The following BBS2 variants were observed in gnomAD, a reference collection of about 807,000 sequenced individuals.
BBS2 encodes the protein BBSome complex member BBS2.
In BBS2, 62 loss-of-function variants were observed where a neutral mutation model predicts 83.0. The ratio of observed to expected loss-of-function variants is 0.75; its 90% CI spans 0.61 to 0.92. The LOEUF is 0.92. BBS2 is among the 40% of genes least tolerant of loss of function. The probability of loss-of-function intolerance (pLI) is 0.00; values close to 1 mark genes in which losing one functional copy is unlikely to be tolerated. For missense variants in BBS2, 784 were observed against 901.0 expected, an observed-to-expected ratio of 0.87 and a Z score of 1.66; for synonymous variants, 303 against 326.1, an observed-to-expected ratio of 0.93 and a Z score of 0.76.
chr16:56,501,211 G>A (rs1015151952), intron 10 of BBS2, 142 bp downstream of exon 10: 3 of 1,324,900 alleles, frequency 2.3e-6, no homozygotes, highest in Non-Finnish European at 3.2e-6. Flanking sequence ...TTGGGAGGCT[G>A]AGACAGGAGA....
rs1409773257 is a variant in BBS2 at position 56,506,164 on chromosome 16, T to C, written c.673A>G (p.Thr225Ala). 6.2e-7 allele frequency: 1 copy of C among 1,613,942 alleles called. No individual in the cohort carries two copies. Among genetic ancestry groups the C allele is most frequent in the East Asian group, 2.2e-5 (1 of 44,880 alleles). ...GATGTTTTGTCATAAACTCCAACTG[T>C]GCCATTGGAAAGGGCATAACCAAAT... Reference protein sequence around the residue: ...SRFGYALSNGTVGVYDKTSRY... With the variant: ...SRFGYALSNGAVGVYDKTSRY... The change falls in exon 6 of 17, where the codon ACA becomes GCA. Residue 225 changes from threonine to alanine, a missense_variant. By Grantham distance (58) the Thr-to-Ala change is moderately conservative. Coordinates refer to ENST00000245157, the MANE Select transcript of BBS2 (RefSeq NM_031885.5).
At position 56,511,257 on chromosome 16, in the gene BBS2, G is replaced by C; in HGVS notation, c.373C>G (p.Leu125Val). ...EVADGANAIVLGTLGDISSPL... is the reference protein window; with the variant it reads ...EVADGANAIVVGTLGDISSPL... ...GAAGAAATGTCTCCCAATGTCCCCAGCACAATTGCATTTGCCCCATCTGCT... is the reference window on the plus strand; with the variant it reads ...GAAGAAATGTCTCCCAATGTCCCCACCACAATTGCATTTGCCCCATCTGCT... Residue 125 changes from leucine (L) to valine (V), a missense_variant, in exon 3 of 17, where the codon CTG becomes GTG. Leu to Val is a conservative substitution (Grantham distance 32). Coordinates refer to ENST00000245157, the MANE Select transcript of BBS2 (RefSeq NM_031885.5). 1 of 1,614,048 alleles carries C rather than the reference G, an allele frequency of 6.2e-7. No individual in the cohort carries two copies. The highest frequency in any genetic ancestry group is 8.5e-7 in the Non-Finnish European group (1 of 1,179,994).
At chr16:56,519,626 G>A (rs1964859215) in intron 1 of BBS2, 120 bp downstream of exon 1, 1 of 775,570 alleles carries the variant, frequency 1.3e-6, no homozygotes, top group Non-Finnish European at 2.2e-6. Context: ...CTCGCCGACC[G>A]GTTGCCGGGC....
intron 17 of BBS2, among the ~76,000 whole-genome samples, chr16:56,471,365 GAA>G (rs755598469): frequency 4.3e-5 from 4 of 92,552 alleles, no homozygotes; most frequent in Middle Eastern, 5.6e-3. Flanking sequence ...ACATCTCAAA[GAA>G]AAAAAAAAAA....
intron 5 of BBS2, among the ~76,000 whole-genome samples, chr16:56,508,679 TC>T (rs5817063): frequency 1 from 152,201 of 152,206 alleles, 76,098 homozygotes; most frequent in Middle Eastern, 1. Flanking sequence ...AGTCTTGTTC[TC>T]GTTGCCCCTG....
At chr16:56,511,402 A>T in intron 2 of BBS2, 118 bp from the exon 3 acceptor site, 1 of 1,409,862 alleles carries the variant, frequency 7.1e-7, no homozygotes, top group Non-Finnish European at 9.9e-7. Flanking sequence ...TATTATCCAT[A>T]ATGTGGGTGG....
intron 13 of BBS2, 71 bp from the exon 14 acceptor site, chr16:56,497,951 A>T: frequency 2.0e-6 from 3 of 1,520,466 alleles, no homozygotes; most frequent in Non-Finnish European, 2.7e-6. Flanking sequence ...ATAGTACCTG[A>T]ATTTCCCCAT....
chr16:56,501,955 T>C (rs958832512), intron 9 of BBS2: 10 of 380,220 alleles, frequency 2.6e-5, no homozygotes, highest in Non-Finnish European at 4.5e-5. Flanking sequence ...CTTTTGTCAC[T>C]TGGTAAGACG....
chr16:56,470,651 C>G lies in BBS2; in HGVS notation c.*45G>C, dbSNP rs1963123989. 3.1e-6 allele frequency: 5 copies of G among 1,614,020 alleles called. No homozygotes were observed. The African/African-American group carries it at 5.3e-5, about 17-fold the overall frequency. The stretch of plus-strand genomic sequence containing the variant: ...GATGAGATGAATGATAAAAAAGAGG[C>G]AGAAACCACTGATATCACTGAAGAA... On this transcript the variant is annotated 3_prime_UTR_variant, in exon 18 of 18. Coordinates refer to the BBS2 transcript ENST00000682047.
At chr16:56,476,807 T>G (rs1963498897) in intron 17 of BBS2, 1 of 152,336 alleles carries the variant, frequency 6.6e-6, no homozygotes, top group Non-Finnish European at 1.5e-5. Context: ...CATCCATGTT[T>G]CCAGTGTTTC....
In BBS2 at chr16:56,502,454, G is replaced by C. The variant is rs121908178; in HGVS notation, c.943C>G (p.Arg315Gly). Residue 315 changes from arginine (R) to glycine (G), a missense_variant and splice_region_variant, in exon 9 of 17, where the codon CGG (arginine) becomes GGG (glycine). Physicochemically the swap from Arg to Gly is moderately radical, Grantham distance 125. Coordinates refer to ENST00000245157, the MANE Select transcript of BBS2 (RefSeq NM_031885.5). ...TCAGCCGTGCCAGGCAGGTAGCCCC[G>C]GACTGAACAGAAGGAAAAAACCGCA... ...LICCSVDGEI[R>G]GYLPGTAEMR... 6.2e-7 allele frequency: 1 copy of C among 1,614,104 alleles called. No individual in the cohort carries two copies. Among genetic ancestry groups the C allele is most frequent in the Non-Finnish European group, 8.5e-7 (1 of 1,180,012 alleles).
At chr16:56,479,190 G>A (rs1308731665) in intron 17 of BBS2, 4 of 152,140 alleles carry the variant, frequency 2.6e-5, no homozygotes, top group Admixed American at 2.6e-4. Context: ...AGCTCTATGG[G>A]CCCGGCATAG....
At chr16:56,519,575 C>G in intron 1 of BBS2, 171 bp downstream of exon 1, 1 of 605,640 alleles carries the variant, frequency 1.7e-6, no homozygotes, top group Non-Finnish European at 2.9e-6. Context: ...AGCTCTTCCT[C>G]TAAGACCCCA....
In BBS2 at chr16:56,489,504, A is replaced by T. The variant is rs572839861; in HGVS notation, c.1911-3766T>A. On this transcript the variant is annotated intron_variant, in intron 15 of 16. Coordinates refer to ENST00000245157, the MANE Select transcript of BBS2 (RefSeq NM_031885.5). ...TTGTAAGCATGATGAACTTTAAAAG[A>T]AGTAGTATCAGGCTGGGCACAGTGG... 1.4e-4 allele frequency among the ~76,000 whole-genome samples: 22 copies of T among 152,200 alleles called. No individual in the cohort carries two copies. The South Asian group carries it at 1.7e-3, about 11-fold the overall frequency.
chr16:56,472,342 T>C (rs1963237655), intron 17 of BBS2, among the ~76,000 whole-genome samples: 1 of 152,192 alleles, frequency 6.6e-6, no homozygotes, highest in Non-Finnish European at 1.5e-5. Context: ...AAAATCTATA[T>C]GGGCAGCCAA....
In BBS2 at chr16:56,500,851, C is replaced by A; in HGVS notation, c.1397+3G>T. On this transcript the variant is annotated splice_donor_region_variant and intron_variant, in intron 11 of 16. Coordinates refer to ENST00000245157, the MANE Select transcript of BBS2 (RefSeq NM_031885.5). The stretch of plus-strand genomic sequence containing the variant: ...AAATGAACTGTGACTTGCAAAGGGT[C>A]ACCTGCTTCTGTAACCCACGAATGC... 1.2e-6 allele frequency: 2 copies of A among 1,613,950 alleles called. No homozygotes were observed. The highest frequency in any genetic ancestry group is 1.7e-6 in the Non-Finnish European group (2 of 1,179,938).
Position 56,507,534 on chromosome 16 carries a change from A to C in BBS2, c.613-1310T>G, listed in dbSNP as rs560908632. On this transcript the variant is annotated intron_variant, in intron 5 of 16. Coordinates refer to ENST00000245157, the MANE Select transcript of BBS2 (RefSeq NM_031885.5). ...AAATTAGAATGAAAGGGATATGAGA[A>C]TTCGGGACACACCATCTATCAGCCA... 2.6e-5 allele frequency among the ~76,000 whole-genome samples: 4 copies of C among 152,342 alleles called. No homozygotes were observed. The South Asian group carries it at 8.3e-4, about 32-fold the overall frequency.
At chr16:56,502,835 T>C (rs751651103) in intron 7 of BBS2, 27 bp from the exon 8 acceptor site, 3 of 1,613,894 alleles carry the variant, frequency 1.9e-6, no homozygotes, top group Non-Finnish European at 2.5e-6. Flanking sequence ...AATTTAAAAG[T>C]TGCTTATGCT....
In BBS2 at chr16:56,511,165, A is replaced by C. The variant is rs564715987; in HGVS notation, c.465T>G (p.Phe155Leu). 1.8e-5 allele frequency: 29 copies of C among 1,614,102 alleles called. No homozygotes were observed. In the South Asian group the frequency reaches 3.2e-4, roughly 18 times the overall value. Reference protein sequence around the residue: ...QGFNHEGSDLFWTVTGDNVNS... With the variant: ...QGFNHEGSDLLWTVTGDNVNS... ...AATGTTTTCTTCTTCATACCGTCCAAAAGAGATCACTTCCTTCATGATTGA... is the reference window on the plus strand; with the variant it reads ...AATGTTTTCTTCTTCATACCGTCCACAAGAGATCACTTCCTTCATGATTGA... The change falls in exon 3 of 17, where the codon TTT (phenylalanine) becomes TTG (leucine). Residue 155 changes from phenylalanine (F) to leucine (L), a missense_variant. Coordinates refer to ENST00000245157, the MANE Select transcript of BBS2 (RefSeq NM_031885.5).
Sources: gnomAD v4.1 joint callset for allele counts (sites outside exome capture counted in the v4.1 genomes callset) on GRCh38, gnomAD v4.1.1 for gene constraint, MANE v1.5 for transcripts, NCBI Gene and HGNC (gene_info 2026-07-23, HGNC 2026-07-21) for gene names.